Variants in VPS8 observed in about 807,000 individuals in gnomAD.
VPS8 encodes VPS8 subunit of CORVET complex, also known as vacuolar protein sorting-associated protein 8 homolog.
In VPS8, 129 loss-of-function variants were observed where a neutral mutation model predicts 216.4. The ratio of observed to expected loss-of-function variants is 0.60; its 90% confidence interval spans 0.52 to 0.69. The LOEUF is 0.69. Among genes scored for constraint, VPS8 ranks in the 30% least tolerant of loss-of-function variants. VPS8 has a pLI of 0.00. For synonymous variants in VPS8, 571 were observed against 565.4 expected, an observed-to-expected ratio of 1.01 and a Z score of -0.14; for missense variants, 1,531 against 1,683.5, an observed-to-expected ratio of 0.91 and a Z score of 1.59.
intron 22 of VPS8, among the ~76,000 whole-genome samples, chr3:184,889,886 T>A (rs1466100630): frequency 6.6e-6 from 1 of 152,220 alleles, no homozygotes; most frequent in Non-Finnish European, 1.5e-5. Context: ...TTGATCAACT[T>A]TAATTGTTTG....
At chr3:184,829,799 T>C (rs951958538) in intron 3 of VPS8, among the ~76,000 whole-genome samples, 28 of 152,330 alleles carry the variant, frequency 1.8e-4, no homozygotes, top group African/African-American at 5.8e-4. Flanking sequence ...TTGACATAGG[T>C]TTTGACCGTT....
chr3:184,926,537 G>A, intron 30 of VPS8, 57 bp from the exon 31 acceptor site: 12 of 1,485,892 alleles, frequency 8.1e-6, no homozygotes, highest in Non-Finnish European at 1.1e-5. Context: ...TTTTTATTAT[G>A]AGAGTATTAA....
chr3:184,904,242 T>C (rs1277851447), intron 25 of VPS8, among the ~76,000 whole-genome samples: 1 of 152,220 alleles, frequency 6.6e-6, no homozygotes, highest in Non-Finnish European at 1.5e-5. Flanking sequence ...TTGGGCTGAC[T>C]ACACCCACTA....
intron 46 of VPS8, among the ~76,000 whole-genome samples, chr3:185,038,444 C>A (rs1185732266): frequency 6.6e-6 from 1 of 152,176 alleles, no homozygotes; most frequent in Non-Finnish European, 1.5e-5. Context: ...TTTCTTCTGA[C>A]CTCACAAGGT....
At chr3:184,878,111 A>C (rs1217579809) in intron 21 of VPS8, among the ~76,000 whole-genome samples, 2 of 151,782 alleles carry the variant, frequency 1.3e-5, no homozygotes, top group African/African-American at 4.8e-5. Flanking sequence ...TAATTTTAAA[A>C]GACCCTTTTT....
chr3:184,839,234 G>A (rs78055199), intron 6 of VPS8: 3,023 of 176,042 alleles, frequency 0.017, 110 homozygotes, highest in African/African-American at 0.068. Flanking sequence ...TGCCTTTTTA[G>A]CATTCCTTTT....
intron 8 of VPS8, among the ~76,000 whole-genome samples, chr3:184,847,376 T>G (rs577712339): frequency 2.0e-5 from 3 of 152,288 alleles, no homozygotes; most frequent in Admixed American, 1.3e-4. Context: ...ATAACTAGAT[T>G]TACTTTTATA....
At chr3:185,004,413 G>A (rs1029845714) in intron 45 of VPS8, among the ~76,000 whole-genome samples, 4 of 152,218 alleles carry the variant, frequency 2.6e-5, no homozygotes, top group African/African-American at 7.2e-5. Flanking sequence ...AGGCTGCAGC[G>A]AGCCGAGATG....
chr3:184,828,672 T>C (rs937726138), intron 3 of VPS8, among the ~76,000 whole-genome samples: 4 of 152,232 alleles, frequency 2.6e-5, no homozygotes, highest in African/African-American at 7.2e-5. Flanking sequence ...TCTCCCAGTT[T>C]CTGAGAATAG....
intron 37 of VPS8, among the ~76,000 whole-genome samples, chr3:184,960,300 A>C (rs968562814): frequency 6.6e-6 from 1 of 152,112 alleles, no homozygotes; most frequent in Non-Finnish European, 1.5e-5. Context: ...ACTCTTTTTC[A>C]TGACCTCCTT....
intron 28 of VPS8, among the ~76,000 whole-genome samples, chr3:184,917,600 T>C (rs913157683): frequency 3.3e-5 from 5 of 152,174 alleles, no homozygotes; most frequent in Non-Finnish European, 5.9e-5. Context: ...GGCTAATTTT[T>C]GCACCATGTT....
intron 8 of VPS8, among the ~76,000 whole-genome samples, chr3:184,846,271 A>G (rs1207074477): frequency 6.6e-6 from 1 of 152,254 alleles, no homozygotes; most frequent in East Asian, 1.9e-4. Context: ...TGGGCTGTAA[A>G]TTTAATCCAT....
intron 42 of VPS8, among the ~76,000 whole-genome samples, chr3:184,990,189 C>T (rs1417992669): frequency 6.6e-6 from 1 of 152,216 alleles, no homozygotes; most frequent in Admixed American, 6.5e-5. Flanking sequence ...TTTTCCTCAG[C>T]AGTCCCTGTA....
chr3:184,844,978 C>T (rs1449597541), intron 8 of VPS8, among the ~76,000 whole-genome samples: 3 of 152,196 alleles, frequency 2.0e-5, no homozygotes, highest in Non-Finnish European at 4.4e-5. Context: ...TTTCATATTT[C>T]TTGCCAGGGT....
intron 45 of VPS8, among the ~76,000 whole-genome samples, chr3:185,009,943 AC>A (rs1754775768): frequency 6.9e-6 from 1 of 144,340 alleles, no homozygotes; most frequent in South Asian, 2.2e-4. Flanking sequence ...TTGAGTACTT[AC>A]CCACTTATTT....
intron 21 of VPS8, among the ~76,000 whole-genome samples, chr3:184,872,606 A>G (rs555458132): frequency 6.6e-6 from 1 of 152,210 alleles, no homozygotes; most frequent in South Asian, 2.1e-4. Flanking sequence ...GATTAGTCTC[A>G]TAGGAGGTGA....
intron 1 of VPS8, among the ~76,000 whole-genome samples, chr3:184,814,575 G>A (rs1219337522): frequency 6.6e-6 from 1 of 152,200 alleles, no homozygotes; most frequent in Non-Finnish European, 1.5e-5. Context: ...CAATGGCCAA[G>A]TATTTGTATA....
intron 38 of VPS8, among the ~76,000 whole-genome samples, chr3:184,965,434 G>A (rs980221743): frequency 6.6e-5 from 10 of 152,152 alleles, no homozygotes; most frequent in African/African-American, 2.4e-4. Flanking sequence ...GATGAGAGGA[G>A]AAACAGGAGA....
chr3:184,852,039 T>C (rs765213711), intron 10 of VPS8, among the ~76,000 whole-genome samples: 5 of 152,212 alleles, frequency 3.3e-5, no homozygotes, highest in Non-Finnish European at 7.3e-5. Context: ...TTAGATATAG[T>C]GGACTTACTT....
Sources: allele counts gnomAD v4.1 joint callset (sites outside exome capture counted in the v4.1 genomes callset), GRCh38; gene constraint gnomAD v4.1.1; transcripts MANE v1.5; gene names NCBI Gene and HGNC (gene_info 2026-07-23, HGNC 2026-07-21).